The following OR51L1 variants were observed in gnomAD, a reference collection of about 807,000 sequenced individuals.
The protein encoded by OR51L1 is olfactory receptor 51L1.
A neutral mutation model predicts 1.4 loss-of-function variants in OR51L1; 1 was observed. The ratio of observed to expected loss-of-function variants is 0.72; its 90% confidence interval spans 0.26 to 3.42. OR51L1 has a LOEUF of 3.42. Ranked by LOEUF, OR51L1 falls within the 30% of genes most tolerant of loss-of-function variation. The pLI, the probability that OR51L1 is intolerant of heterozygous loss-of-function variation, is 0.20. For missense variants in OR51L1, 378 were observed against 380.0 expected (o/e 0.99, Z 0.04); for synonymous variants, 156 against 144.2 (o/e 1.08, Z -0.59).
rs1847103604 is a variant in OR51L1 at position 4,999,338 on chromosome 11, C to T, written c.356C>T (p.Ala119Val). The part of the protein sequence containing the change: ...FTFLESSVLL[A>V]MAFDRFVAIC... The stretch of plus-strand genomic sequence containing the variant: ...TTCCTGGAGTCCTCAGTGTTGCTGG[C>T]CATGGCCTTTGACCGTTTTGTTGCT... Residue 119 changes from alanine to valine, a missense_variant, in exon 3 of 3, where the codon GCC becomes GTC. Transcript: ENST00000641819. 1 of 1,614,158 alleles carries T rather than the reference C, an allele frequency of 6.2e-7. No individual in the cohort carries two copies. Among genetic ancestry groups the T allele is most frequent in the Non-Finnish European group, 8.5e-7 (1 of 1,180,042 alleles).
rs1847102023 is a variant in OR51L1, at chr11:4,999,293, T to C, written c.311T>C (p.Phe104Ser). 2 of 1,614,056 alleles carry C rather than the reference T, an allele frequency of 1.2e-6. No individual in the cohort carries two copies. The highest frequency in any genetic ancestry group is 2.7e-5 in the African/African-American group (2 of 74,942). Residue 104 changes from phenylalanine to serine, a missense_variant, in exon 3 of 3, where the codon TTC becomes TCC. Transcript: ENST00000641819. The part of the protein sequence containing the change: ...IQASACYAQL[F>S]FIHTFTFLES... ...GCAAGTGCTTGCTATGCTCAGCTGT[T>C]CTTCATCCACACATTCACATTCCTG... is the stretch of plus-strand genomic sequence containing the variant.
intron 1 of OR51L1, among the ~76,000 whole-genome samples, chr11:4,996,769 C>CTTTCTTTCTTTCTTTCT (rs1554896491): frequency 1.2e-5 from 1 of 84,696 alleles, no homozygotes; most frequent in Non-Finnish European, 2.5e-5. Flanking sequence ...TTCTTTCTTT[C>CTTTCTTTCTTTCTTTCT]ATTTCTCTCT....
chr11:4,999,746 T>A lies in OR51L1; in HGVS notation c.764T>A (p.Val255Glu), dbSNP rs984246677. ...ATCTGTGTGGTGCTTATCTTCTTTG[T>A]GCCAGTTATTGGGGTGTCAATGGTC... ...SHICVVLIFF[V>E]PVIGVSMVHR... Residue 255 changes from valine to glutamate, a missense_variant, in exon 3 of 3, where the codon GTG becomes GAG. By Grantham distance (121) the Val-to-Glu change is moderately radical. Coordinates refer to ENST00000641819, the MANE Select transcript of OR51L1 (RefSeq NM_001004755.2). 2 of 1,613,948 alleles carry A rather than the reference T, an allele frequency of 1.2e-6. No homozygotes were observed. Among genetic ancestry groups the A allele is most frequent in the Non-Finnish European group, 8.5e-7 (1 of 1,179,998 alleles).
chr11:4,995,295 A>G lies in OR51L1; in HGVS notation c.-302A>G, dbSNP rs1847058610. 6.6e-6 allele frequency: 1 copy of G among 152,098 alleles called. No individual in the cohort carries two copies. Among genetic ancestry groups the G allele is most frequent in the Admixed American group, 6.6e-5 (1 of 15,252 alleles). The allele number at this position is 152,098 out of a possible 1,614,324, so 9.4% of individuals were successfully genotyped here. On this transcript the variant is annotated 5_prime_UTR_variant, in exon 1 of 3. The change abolishes the stop of an existing upstream ORF in the 5' untranslated region. Transcript: ENST00000641819. The stretch of plus-strand genomic sequence containing the variant: ...GAAATGGGCTACTGATTGCAAATTA[A>G]CTAGGCATATTGATTCAATTGCCTT...
Position 5,004,302 on chromosome 11 carries a change from A to C in OR51L1, c.*4372A>C, listed in dbSNP as rs1435896223. On this transcript the variant is annotated 3_prime_UTR_variant, in exon 3 of 3. Coordinates refer to ENST00000641819, the MANE Select transcript of OR51L1 (RefSeq NM_001004755.2). ...TCCTTTTCAGGACTGAGTAGTAGGA[A>C]GCACCAGGTGAGCTGAGGCTTGTAG... 1 of 152,204 alleles carries C rather than the reference A, an allele frequency of 6.6e-6. No homozygotes were observed. The highest frequency in any genetic ancestry group is 1.5e-5 in the Non-Finnish European group (1 of 68,048). The allele number at this position is 152,204 out of a possible 1,614,324, so 9.4% of individuals were successfully genotyped here. A position where few individuals can be genotyped will look rare whatever the true frequency, so the allele number is the denominator to read the frequency against.
In OR51L1 at chr11:4,999,815, T is replaced by G. The variant is rs928201791; in HGVS notation, c.833T>G (p.Met278Arg). 2 of 1,613,970 alleles carry G rather than the reference T, an allele frequency of 1.2e-6. No homozygotes were observed. The highest frequency in any genetic ancestry group is 3.3e-5 in the Admixed American group (2 of 59,980). ...KHLSPIVHIL[M>R]ADIYLLLPPV... is the part of the protein sequence containing the mutation. ...CTGTCTCCCATAGTCCACATCCTCATGGCAGACATCTACCTTCTTCTTCCC... is the reference window on the plus strand; with the variant it reads ...CTGTCTCCCATAGTCCACATCCTCAGGGCAGACATCTACCTTCTTCTTCCC... The change falls in exon 3 of 3, where the codon ATG becomes AGG. Residue 278 changes from methionine (M) to arginine (R), a missense_variant. Physicochemically the swap from Met to Arg is moderately conservative, Grantham distance 91. Transcript: ENST00000641819.
Position 5,000,760 on chromosome 11 carries a change from C to T in OR51L1, c.*830C>T, listed in dbSNP as rs889166733. The T allele has an allele frequency of 6.6e-6, 1 of 152,188 alleles. No individual in the cohort carries two copies. The highest frequency in any genetic ancestry group is 2.1e-4 in the South Asian group (1 of 4,820). 9.4% of individuals were successfully genotyped at this position (152,188 alleles called of 1,614,324 possible). A position where few individuals can be genotyped will look rare whatever the true frequency, so the allele number is the denominator to read the frequency against. On this transcript the variant is annotated 3_prime_UTR_variant, in exon 3 of 3. Transcript: ENST00000641819. ...ATAAGAGAAATTTTGGTATGCAGGC[C>T]ATGCAGAAGGCACATAGACTTGTGG...
intron 1 of OR51L1, among the ~76,000 whole-genome samples, chr11:4,996,733 C>CT (rs1554896498): frequency 7.9e-6 from 1 of 126,876 alleles, no homozygotes; most frequent in Non-Finnish European, 1.7e-5. Flanking sequence ...TTCTTTCTTT[C>CT]TTTCTTTCTT....
At position 4,999,842 on chromosome 11, in the gene OR51L1, C is replaced by T. The variant is rs1259676631; in HGVS notation, c.860C>T (p.Pro287Leu). ...GCAGACATCTACCTTCTTCTTCCCC[C>T]AGTCCTTAACCCTATTGTCTATAGT... The part of the protein sequence containing the change: ...LMADIYLLLP[P>L]VLNPIVYSVR... The change falls in exon 3 of 3, where the codon CCA becomes CTA. Residue 287 changes from proline to leucine, a missense_variant. Transcript: ENST00000641819. The T allele has an allele frequency of 3.1e-6, 5 of 1,614,038 alleles. No homozygotes were observed. Among genetic ancestry groups the T allele is most frequent in the Non-Finnish European group, 4.2e-6 (5 of 1,179,968 alleles).
rs1847142292 is a variant in OR51L1, at chr11:5,002,658, C to T, written c.*2728C>T. 1 of 152,030 alleles carries T rather than the reference C, an allele frequency of 6.6e-6. No individual in the cohort carries two copies. 9.4% of individuals were successfully genotyped at this position (152,030 alleles called of 1,614,324 possible). A position where few individuals can be genotyped will look rare whatever the true frequency, so the allele number is the denominator to read the frequency against. ...AATGTAGAAAGTTGGAAAGGTCTGG[C>T]CCCTTCAGCCCAGTGAATTTCACTG... On this transcript the variant is annotated 3_prime_UTR_variant, in exon 3 of 3. Transcript: ENST00000641819.
intron 1 of OR51L1, 97 bp from the exon 2 acceptor site, chr11:4,997,385 G>T (rs2133659824): frequency 6.6e-6 from 1 of 152,262 alleles, no homozygotes; most frequent in Admixed American, 6.5e-5. Flanking sequence ...AAAAGAAACA[G>T]CTAGCTAGCT....
chr11:4,995,028 T>A lies in OR51L1; in HGVS notation c.-569T>A, dbSNP rs1392648180. 1 of 151,532 alleles carries A rather than the reference T, an allele frequency of 6.6e-6. No homozygotes were observed. Among genetic ancestry groups the A allele is most frequent in the African/African-American group, 2.4e-5 (1 of 41,236 alleles). 9.4% of individuals were successfully genotyped at this position (151,532 alleles called of 1,614,324 possible). On this transcript the variant is annotated 5_prime_UTR_variant, in exon 1 of 3. Transcript: ENST00000641819. ...GAAATTAGAAGAAAGAAACAGCCAATCAAAGGGACCGGAAAAAATAGAGGA... is the reference window on the plus strand; with the variant it reads ...GAAATTAGAAGAAAGAAACAGCCAAACAAAGGGACCGGAAAAAATAGAGGA...
rs1029563260 is a variant in OR51L1, at chr11:5,003,166, G to C, written c.*3236G>C. 26 of 152,322 alleles carry C rather than the reference G, an allele frequency of 1.7e-4. No individual in the cohort carries two copies. The highest frequency in any genetic ancestry group is 6.8e-3 in the Middle Eastern group (2 of 294). 9.4% of individuals were successfully genotyped at this position (152,322 alleles called of 1,614,324 possible). ...AAGTACGCTTGGAAGAGACCCAAGG[G>C]TAAATTGAAGGACAAGTGCTGTGTT... is the stretch of plus-strand genomic sequence containing the variant. On this transcript the variant is annotated 3_prime_UTR_variant, in exon 3 of 3. Transcript: ENST00000641819.
Position 5,000,686 on chromosome 11 carries a change from T to G in OR51L1, c.*756T>G, listed in dbSNP as rs571984730. 1 of 152,302 alleles carries G rather than the reference T, an allele frequency of 6.6e-6. No homozygotes were observed. Among genetic ancestry groups the G allele is most frequent in the East Asian group, 1.9e-4 (1 of 5,174 alleles). 9.4% of individuals were successfully genotyped at this position (152,302 alleles called of 1,614,324 possible). A position where few individuals can be genotyped will look rare whatever the true frequency, so the allele number is the denominator to read the frequency against. On this transcript the variant is annotated 3_prime_UTR_variant, in exon 3 of 3. Coordinates refer to ENST00000641819, the MANE Select transcript of OR51L1 (RefSeq NM_001004755.2). ...CTTAGTGATGAGAAAGGGCCAGATT[T>G]GTACTGAAAGGAGACACTTCAGCAT... is the stretch of plus-strand genomic sequence containing the variant.
In OR51L1 at chr11:5,005,135, AC is replaced by A. The variant is rs1287370083; in HGVS notation, c.*5206del. The A allele has an allele frequency of 6.6e-6, 1 of 152,144 alleles. No individual in the cohort carries two copies. Among genetic ancestry groups the A allele is most frequent in the Admixed American group, 6.6e-5 (1 of 15,258 alleles). The allele number at this position is 152,144 out of a possible 1,614,324, so 9.4% of individuals were successfully genotyped here. ...TAAATTCTTTGCTTGCCTCCCATAAACAAGGACACGCTAGTTGTAAATTTAG... is the reference window on the plus strand; with the variant it reads ...TAAATTCTTTGCTTGCCTCCCATAAAAAGGACACGCTAGTTGTAAATTTAG... On this transcript the variant is annotated 3_prime_UTR_variant, in exon 3 of 3. Transcript: ENST00000641819.
chr11:4,998,827 C>T lies in OR51L1; in HGVS notation c.-156C>T, dbSNP rs900101503. Reference sequence around the variant, plus strand: ...TTGGGAAATGTTTTTTACATAGGGCCGACAAGAGATACCAGCTTCCTTCCT... The same window carrying T: ...TTGGGAAATGTTTTTTACATAGGGCTGACAAGAGATACCAGCTTCCTTCCT... On this transcript the variant is annotated 5_prime_UTR_variant, in exon 3 of 3. It introduces an in-frame stop codon into an upstream open reading frame of the 5' UTR. Transcript: ENST00000641819. 31 of 772,578 alleles carry T rather than the reference C, an allele frequency of 4.0e-5. No individual in the cohort carries two copies. The highest frequency in any genetic ancestry group is 3.3e-4 in the Middle Eastern group (1 of 2,990). 47.9% of individuals were successfully genotyped at this position (772,578 alleles called of 1,614,324 possible). A position where few individuals can be genotyped will look rare whatever the true frequency, so the allele number is the denominator to read the frequency against.
intron 2 of OR51L1, among the ~76,000 whole-genome samples, chr11:4,997,850 T>C (rs1847085978): frequency 6.6e-6 from 1 of 152,146 alleles, no homozygotes; most frequent in African/African-American, 2.4e-5. Context: ...GAGGCACTGA[T>C]AGTGAATATT....
At chr11:4,998,787 T>C in intron 2 of OR51L1, 37 bp from the exon 3 acceptor site, 2 of 561,756 alleles carry the variant, frequency 3.6e-6, no homozygotes, top group Non-Finnish European at 3.1e-6. Context: ...GTTCCAGAAT[T>C]TGTGCTCCTT....
rs1342988777 is a variant in OR51L1, at chr11:5,002,497, A to G, written c.*2567A>G. On this transcript the variant is annotated 3_prime_UTR_variant, in exon 3 of 3. Transcript: ENST00000641819. ...ATGTAGTTTCAGCCCCATTTCAATG[A>G]AAGACTTGTAGCCCCAGCTGCTGGC... The G allele has an allele frequency of 6.6e-6, 1 of 152,196 alleles. No individual in the cohort carries two copies. Among genetic ancestry groups the G allele is most frequent in the Non-Finnish European group, 1.5e-5 (1 of 68,032 alleles). The allele number at this position is 152,196 out of a possible 1,614,324, so 9.4% of individuals were successfully genotyped here. A position where few individuals can be genotyped will look rare whatever the true frequency, so the allele number is the denominator to read the frequency against.
Sources: gnomAD v4.1 joint callset for allele counts (sites outside exome capture counted in the v4.1 genomes callset) on GRCh38, gnomAD v4.1.1 for gene constraint, MANE v1.5 for transcripts, NCBI Gene and HGNC (gene_info 2026-07-23, HGNC 2026-07-21) for gene names.